The following MACF1 variants were observed in gnomAD, a reference collection of about 807,000 sequenced individuals.
MACF1 encodes microtubule actin crosslinking factor 1.
A neutral mutation model predicts 854.8 loss-of-function variants in MACF1; 193 were observed. The observed-to-expected ratio is 0.23, with a 90% CI of 0.20 to 0.25. MACF1 has a LOEUF of 0.25. Ranked by LOEUF, MACF1 falls within the 10% of genes least tolerant of loss-of-function variation. The probability of loss-of-function intolerance (pLI) is 1.00; values close to 1 mark genes in which losing one functional copy is unlikely to be tolerated. For missense variants in MACF1, 7,722 were observed against 8,929.1 expected, an observed-to-expected ratio of 0.86 and a Z score of 5.45; for synonymous variants, 3,185 against 3,226.7, an observed-to-expected ratio of 0.99 and a Z score of 0.44.
intron 23 of MACF1, chr1:39,304,577 T>C: frequency 1.2e-6 from 1 of 824,776 alleles, no homozygotes; most frequent in Non-Finnish European, 1.9e-6. Context: ...TTTTTTTTTT[T>C]TCTTGAGACA....
At chr1:39,102,679 T>A (rs762000099) in intron 2 of MACF1, 1 of 680,620 alleles carries the variant, frequency 1.5e-6, no homozygotes, top group Non-Finnish European at 2.7e-6. Flanking sequence ...TTAATTTCCT[T>A]GTATTACTCT....
chr1:39,433,134 G>A lies in MACF1; in HGVS notation c.17544G>A (p.Glu5848=), dbSNP rs746083545. 8.7e-6 allele frequency: 14 copies of A among 1,605,458 alleles called. No individual in the cohort carries two copies. The highest frequency in any genetic ancestry group is 1.2e-5 in the Non-Finnish European group (14 of 1,174,646). ...HRSEIFGTCG[E]EQKTVLQEKT... is the part of the protein sequence containing the mutation. ...GTGAAATCTTTGGCACATGTGGGGA[G>A]GAGCAAAAAACTGTATTACAGGTGA... The change falls in exon 68 of 101, where the codon GAG becomes GAA. Residue 5848 remains glutamate (E), a synonymous_variant. Transcript: ENST00000564288.
intron 1 of MACF1, chr1:39,215,159 G>A (rs1644560775): frequency 6.6e-6 from 1 of 152,514 alleles, no homozygotes; most frequent in Non-Finnish European, 1.5e-5. Context: ...TTTTGGAAGT[G>A]CCCTAGGGAG....
At chr1:39,330,802 C>CTT (rs543557691) in intron 36 of MACF1, among the ~76,000 whole-genome samples, 13 of 139,946 alleles carry the variant, frequency 9.3e-5, no homozygotes, top group African/African-American at 2.1e-4. Flanking sequence ...TACTGTAGTA[C>CTT]TTTTTTTTTT....
In MACF1 at chr1:39,100,915, C is replaced by CGTGTGT. The variant is rs146599271; in HGVS notation, c.220+16488_220+16493dup. Among the ~76,000 whole-genome samples the CGTGTGT allele has an allele frequency of 9.1e-4, 138 of 151,354 alleles. 1 individual carries two copies. Among genetic ancestry groups the CGTGTGT allele is most frequent in the Admixed American group, 9.9e-4 (15 of 15,210 alleles). The stretch of plus-strand genomic sequence containing the variant: ...AAACAAATATACAAATGCACGCGCG[C>CGTGTGT]GTGTGTGTGTGTGTGTATGTATATT... On this transcript the variant is annotated intron_variant, in intron 2 of 93. Coordinates refer to the MACF1 transcript ENST00000361689.
At chr1:39,217,906 G>A (rs1644597242) in intron 1 of MACF1, among the ~76,000 whole-genome samples, 1 of 149,248 alleles carries the variant, frequency 6.7e-6, no homozygotes, top group African/African-American at 2.5e-5. Context: ...AAAAGAGGTC[G>A]GTCACAGTGG....
At chr1:39,227,008 C>T (rs1411737230) in intron 1 of MACF1, among the ~76,000 whole-genome samples, 13 of 152,102 alleles carry the variant, frequency 8.5e-5, no homozygotes, top group Admixed American at 8.5e-4. Flanking sequence ...CTGATTTTTC[C>T]ACCCTGCCTT....
intron 2 of MACF1, among the ~76,000 whole-genome samples, chr1:39,093,251 A>G (rs1641852344): frequency 6.7e-6 from 1 of 150,162 alleles, no homozygotes; most frequent in Non-Finnish European, 1.5e-5. Context: ...TGGAAATAGC[A>G]TCAGATCTCA....
chr1:39,439,128 G>A, intron 71 of MACF1, 146 bp from the exon 72 acceptor site: 4 of 488,370 alleles, frequency 8.2e-6, no homozygotes, highest in South Asian at 4.2e-5. Flanking sequence ...AACTAAAATA[G>A]AAAATTATCC....
In MACF1 at chr1:39,331,428, G is replaced by T; in HGVS notation, c.4840G>T (p.Glu1614Ter). ...TCCCCAGATGTACCAGCAGCTCCGG[G>T]AGCTACAGGATGCCCTGGCCTTAAT... ...INPQMYQQLR[E>*]LQDALALISR... is the part of the protein sequence containing the mutation. The change falls in exon 37 of 101, where the codon GAG (glutamate) becomes TAG (stop). Residue 1614 changes from glutamate (E) to a stop codon, truncating the protein, a stop_gained. Transcript: ENST00000564288. LOFTEE classifies it high-confidence loss of function. The T allele has an allele frequency of 1.2e-6, 2 of 1,614,058 alleles. No homozygotes were observed. Among genetic ancestry groups the T allele is most frequent in the Non-Finnish European group, 1.7e-6 (2 of 1,180,022 alleles).
At chr1:39,355,259 T>C (rs919934406) in intron 44 of MACF1, among the ~76,000 whole-genome samples, 1 of 152,170 alleles carries the variant, frequency 6.6e-6, no homozygotes, top group Non-Finnish European at 1.5e-5. Context: ...AGGGCTCCTC[T>C]GACACCTTTT....
At position 39,384,720 on chromosome 1, in the gene MACF1, A is replaced by G. The variant is rs371098502; in HGVS notation, c.13849-714A>G. Among the ~76,000 whole-genome samples, 15 of 152,354 alleles carry G rather than the reference A, an allele frequency of 9.8e-5. No individual in the cohort carries two copies. In the East Asian group the frequency reaches 2.5e-3, roughly 25 times the overall value. On this transcript the variant is annotated intron_variant, in intron 56 of 100. Coordinates refer to ENST00000564288, the MANE Select transcript of MACF1 (RefSeq NM_001394062.1). ...AAGAAAGAAACTAAGAAAAACAGAC[A>G]CTGAGAGTTGACATGGCAAGCCCAG...
intron 2 of MACF1, among the ~76,000 whole-genome samples, chr1:39,085,584 A>AT (rs1386039214): frequency 2.0e-5 from 3 of 152,104 alleles, no homozygotes; most frequent in East Asian, 3.8e-4. Context: ...CTAATAGAGT[A>AT]TTTTTTTCTA....
chr1:39,463,524 T>A, intron 93 of MACF1, 88 bp from the exon 94 acceptor site: 3 of 840,842 alleles, frequency 3.6e-6, no homozygotes, highest in African/African-American at 1.7e-5. Context: ...ATGAATAGCC[T>A]CCCTGTTAAT....
At chr1:39,180,216 A>G (rs752994845) in intron 2 of MACF1, among the ~76,000 whole-genome samples, 1 of 152,114 alleles carries the variant, frequency 6.6e-6, no homozygotes, top group Non-Finnish European at 1.5e-5. Context: ...TCTTTCAACC[A>G]GATTGCAAGA....
In MACF1 at chr1:39,336,459, A is replaced by G; in HGVS notation, c.9871A>G (p.Ile3291Val). 6.2e-7 allele frequency: 1 copy of G among 1,614,204 alleles called. No homozygotes were observed. Among genetic ancestry groups the G allele is most frequent in the Non-Finnish European group, 8.5e-7 (1 of 1,180,016 alleles). Reference sequence around the variant, plus strand: ...AGAGAATACAGGGCAACAGAATGCCATCATTAGTCCTACTGTTCTAGAGAC... The same window carrying G: ...AGAGAATACAGGGCAACAGAATGCCGTCATTAGTCCTACTGTTCTAGAGAC... ...QKENTGQQNA[I>V]ISPTVLETSE... Residue 3291 changes from isoleucine (I) to valine (V), a missense_variant, in exon 37 of 101, where the codon ATC becomes GTC. Physicochemically the swap from Ile to Val is conservative, Grantham distance 29. Coordinates refer to ENST00000564288, the MANE Select transcript of MACF1 (RefSeq NM_001394062.1).
chr1:39,450,374 C>T (rs963941885), intron 84 of MACF1, among the ~76,000 whole-genome samples: 2 of 151,908 alleles, frequency 1.3e-5, no homozygotes, highest in Middle Eastern at 3.4e-3. Context: ...ACAACTGATA[C>T]AGAGCTAGGA....
chr1:39,311,317 T>C (rs974646601), intron 26 of MACF1, among the ~76,000 whole-genome samples: 2 of 152,220 alleles, frequency 1.3e-5, no homozygotes, highest in African/African-American at 4.8e-5. Flanking sequence ...CTATCCCTTA[T>C]GTGCCTGTGT....
intron 43 of MACF1, among the ~76,000 whole-genome samples, chr1:39,351,268 T>C (rs745808258): frequency 6.6e-6 from 1 of 152,162 alleles, no homozygotes; most frequent in Non-Finnish European, 1.5e-5. Context: ...TGCCTCAGCT[T>C]CAGCCTCCCA....
Sources: allele counts gnomAD v4.1 joint callset (sites outside exome capture counted in the v4.1 genomes callset), GRCh38; gene constraint gnomAD v4.1.1; transcripts MANE v1.5; gene names NCBI Gene and HGNC (gene_info 2026-07-23, HGNC 2026-07-21).